Variants in SEMA5A observed in about 807,000 individuals in gnomAD.
SEMA5A encodes semaphorin 5A, also known as semaphorin-5A.
A neutral mutation model predicts 135.5 loss-of-function variants in SEMA5A; 55 were observed. That is an observed-to-expected ratio of 0.41 (90% confidence interval 0.33 to 0.51). The LOEUF (loss-of-function observed/expected upper bound fraction) is 0.51. SEMA5A is among the 20% of genes least tolerant of loss of function. SEMA5A has a pLI of 0.37. For synonymous variants in SEMA5A, 580 were observed against 546.5 expected (o/e 1.06, Z -0.85); for missense variants, 1,290 against 1,419.9 (o/e 0.91, Z 1.47).
intron 1 of SEMA5A, among the ~76,000 whole-genome samples, chr5:9,528,970 G>GCTGGT: frequency 1.3e-5 from 2 of 152,362 alleles, no homozygotes; most frequent in East Asian, 3.9e-4. Flanking sequence ...TTTAGGGATA[G>GCTGGT]CTGGTTCTTA....
At chr5:9,182,161 A>G (rs2428654) in intron 11 of SEMA5A, among the ~76,000 whole-genome samples, 1 of 119,864 alleles carries the variant, frequency 8.3e-6, no homozygotes, top group African/African-American at 4.2e-5. Context: ...CCCCCACCCC[A>G]AAAAAAAATA....
At position 9,226,777 on chromosome 5, in the gene SEMA5A, G is replaced by A. The variant is rs957727473; in HGVS notation, c.432+92C>T. On this transcript the variant is annotated intron_variant, in intron 7 of 22. Coordinates refer to ENST00000382496, the MANE Select transcript of SEMA5A (RefSeq NM_003966.3). ...TTTAGAATTGAACAGCAACACCTTGGTGTATAGAAATTCATTTAAAACTAG... is the reference window on the plus strand; with the variant it reads ...TTTAGAATTGAACAGCAACACCTTGATGTATAGAAATTCATTTAAAACTAG... 37 of 930,494 alleles carry A rather than the reference G, an allele frequency of 4.0e-5. No individual in the cohort carries two copies. The Middle Eastern group carries it at 1.1e-3, about 27-fold the overall frequency. The allele number at this position is 930,494 out of a possible 1,614,324, so 57.6% of individuals were successfully genotyped here.
At chr5:9,463,345 T>C (rs548647742) in intron 1 of SEMA5A, among the ~76,000 whole-genome samples, 104 of 152,302 alleles carry the variant, frequency 6.8e-4, no homozygotes, top group Non-Finnish European at 1.4e-3. Flanking sequence ...AAACCCTCCA[T>C]ACACTTATGG....
chr5:9,414,533 C>G (rs1028816097), intron 2 of SEMA5A, among the ~76,000 whole-genome samples: 1 of 152,202 alleles, frequency 6.6e-6, no homozygotes, highest in African/African-American at 2.4e-5. Flanking sequence ...GCATCATTGG[C>G]AAGACTGACG....
intron 13 of SEMA5A, 144 bp from the exon 14 acceptor site, chr5:9,122,981 C>T (rs1344173679): frequency 5.5e-6 from 4 of 726,568 alleles, no homozygotes; most frequent in Admixed American, 3.4e-5. Context: ...AAGGGCCAGG[C>T]GCGGTGGTTC....
intron 5 of SEMA5A, among the ~76,000 whole-genome samples, chr5:9,290,247 T>C (rs757131909): frequency 1.1e-3 from 160 of 152,282 alleles, no homozygotes; most frequent in Non-Finnish European, 2.0e-3. Flanking sequence ...TGTATCGTTC[T>C]TATGCCTTTG....
At chr5:9,154,062 A>AAATATAT (rs1159261162) in intron 12 of SEMA5A, among the ~76,000 whole-genome samples, 1 of 68,290 alleles carries the variant, frequency 1.5e-5, no homozygotes, top group Non-Finnish European at 3.1e-5. Flanking sequence ...AAAAAAAAAA[A>AAATATAT]ATATATATAT....
intron 1 of SEMA5A, among the ~76,000 whole-genome samples, chr5:9,499,876 T>C (rs1469829659): frequency 6.6e-6 from 1 of 151,314 alleles, no homozygotes; most frequent in Non-Finnish European, 1.5e-5. Context: ...TAGAGTAATA[T>C]AGCAAGAAGA....
rs371306365 is a variant in SEMA5A at position 9,130,355 on chromosome 5, A to C, written c.1599+6149T>G. On this transcript the variant is annotated intron_variant, in intron 13 of 22. Coordinates refer to ENST00000382496, the MANE Select transcript of SEMA5A (RefSeq NM_003966.3). Reference sequence around the variant, plus strand: ...ATTTTCATGTACGTTTTGCCATAGAATGTAACAAAACAGAATGTTAGATAT... The same window carrying C: ...ATTTTCATGTACGTTTTGCCATAGACTGTAACAAAACAGAATGTTAGATAT... Among the ~76,000 whole-genome samples, 136 of 152,352 alleles carry C rather than the reference A, an allele frequency of 8.9e-4. 1 individual carries two copies. The highest frequency in any genetic ancestry group is 3.1e-3 in the African/African-American group (130 of 41,588).
chr5:9,416,561 G>A (rs1757291311), intron 2 of SEMA5A, among the ~76,000 whole-genome samples: 1 of 152,166 alleles, frequency 6.6e-6, no homozygotes, highest in South Asian at 2.1e-4. Context: ...TTGGTGTAAG[G>A]TCAGGAATGT....
chr5:9,322,647 A>C (rs573020323), intron 4 of SEMA5A, among the ~76,000 whole-genome samples: 18 of 152,214 alleles, frequency 1.2e-4, no homozygotes, highest in Non-Finnish European at 2.6e-4. Context: ...CCTTCAATTT[A>C]TAGATGAGAA....
chr5:9,159,691 C>A (rs1253104180), intron 11 of SEMA5A, among the ~76,000 whole-genome samples: 1 of 152,162 alleles, frequency 6.6e-6, no homozygotes, highest in African/African-American at 2.4e-5. Flanking sequence ...ACCCAGCAAT[C>A]CCATTAATGG....
At chr5:9,081,809 G>T (rs999501909) in intron 16 of SEMA5A, among the ~76,000 whole-genome samples, 2 of 152,148 alleles carry the variant, frequency 1.3e-5, no homozygotes, top group Non-Finnish European at 2.9e-5. Flanking sequence ...AAACTCTGAA[G>T]TTCAGTCCAC....
At chr5:9,231,900 C>G (rs1747651427) in intron 6 of SEMA5A, among the ~76,000 whole-genome samples, 1 of 152,162 alleles carries the variant, frequency 6.6e-6, no homozygotes, top group African/African-American at 2.4e-5. Context: ...CACAAGGCTT[C>G]TAGGGTTGAT....
At chr5:9,506,481 C>T (rs989373441) in intron 1 of SEMA5A, among the ~76,000 whole-genome samples, 3 of 152,194 alleles carry the variant, frequency 2.0e-5, no homozygotes, top group East Asian at 1.9e-4. Flanking sequence ...GAGAGACTGC[C>T]GACAAGAGAT....
intron 2 of SEMA5A, among the ~76,000 whole-genome samples, chr5:9,426,209 G>A (rs553374375): frequency 3.3e-5 from 5 of 151,936 alleles, no homozygotes; most frequent in South Asian, 2.1e-4. Context: ...AGGCCGAGGC[G>A]GGCAGATCAT....
chr5:9,478,323 C>T lies in SEMA5A; in HGVS notation c.-174-40471G>A, dbSNP rs1759748644. 2.6e-5 allele frequency among the ~76,000 whole-genome samples: 4 copies of T among 152,344 alleles called. No individual in the cohort carries two copies. The South Asian group carries it at 8.3e-4, about 32-fold the overall frequency. ...TGGGGTTGGAGGCCCCATACAGAAT[C>T]CCCGCTGGGCATTGCCTAGTAGAGC... On this transcript the variant is annotated intron_variant, in intron 1 of 22. Transcript: ENST00000382496.
At chr5:9,402,871 G>A (rs375042179) in intron 2 of SEMA5A, among the ~76,000 whole-genome samples, 8 of 152,052 alleles carry the variant, frequency 5.3e-5, no homozygotes, top group Non-Finnish European at 8.8e-5. Context: ...TCCTCAACAT[G>A]GCTTAAACCC....
chr5:9,237,912 T>C (rs759654890), intron 5 of SEMA5A, 22 bp from the exon 6 acceptor site: 6 of 1,611,052 alleles, frequency 3.7e-6, no homozygotes, highest in Non-Finnish European at 5.1e-6. Flanking sequence ...ACCAAAACAA[T>C]AGCAGTCATG....
Sources: allele counts gnomAD v4.1 joint callset (sites outside exome capture counted in the v4.1 genomes callset), GRCh38; gene constraint gnomAD v4.1.1; transcripts MANE v1.5; gene names NCBI Gene and HGNC (gene_info 2026-07-23, HGNC 2026-07-21).